ACER2: variants seen among roughly 807,000 people sequenced by gnomAD.
ACER2 encodes alkCDase 2.
Under a neutral mutation model 34.7 loss-of-function variants are expected in ACER2, and 26 were observed. The observed-to-expected ratio is 0.75, with a 90% CI of 0.55 to 1.04. The LOEUF (loss-of-function observed/expected upper bound fraction) is 1.04, where lower values mean the gene tolerates loss of function less well. Among genes scored for constraint, ACER2 ranks in the 50% least tolerant of loss-of-function variants. The probability of loss-of-function intolerance (pLI) is 0.00; values close to 1 mark genes in which losing one functional copy is unlikely to be tolerated. For synonymous variants in ACER2, 138 were observed against 132.1 expected, an observed-to-expected ratio of 1.04 and a Z score of -0.31; for missense variants, 352 against 340.8, an observed-to-expected ratio of 1.03 and a Z score of -0.26.
chr9:19,409,313 C>A, intron 1 of ACER2, 121 bp downstream of exon 1: 3 of 926,972 alleles, frequency 3.2e-6, no homozygotes, highest in Non-Finnish European at 5.0e-6. Context: ...TCTCCAGGGG[C>A]TGAGTCAGTC....
intron 3 of ACER2, among the ~76,000 whole-genome samples, chr9:19,427,557 G>T (rs181775404): frequency 1.3e-5 from 2 of 151,924 alleles, no homozygotes. Context: ...AGGGATTTCC[G>T]GTTTTTCTGC....
intron 2 of ACER2, 26 bp from the exon 3 acceptor site, chr9:19,424,674 T>C (rs1264197325): frequency 6.2e-7 from 1 of 1,611,984 alleles, no homozygotes; most frequent in East Asian, 2.2e-5. Context: ...TGGTGACCTT[T>C]TTTTATTGGT....
intron 1 of ACER2, among the ~76,000 whole-genome samples, chr9:19,418,351 A>G (rs1830297978): frequency 6.6e-6 from 1 of 152,250 alleles, no homozygotes; most frequent in Non-Finnish European, 1.5e-5. Context: ...TACTAGGTAT[A>G]TACCCAAAGG....
At chr9:19,422,735 A>G (rs900651943) in intron 1 of ACER2, among the ~76,000 whole-genome samples, 1 of 151,414 alleles carries the variant, frequency 6.6e-6, no homozygotes, top group Non-Finnish European at 1.5e-5. Context: ...CCTTATCTTT[A>G]AAAACACAAA....
At chr9:19,443,064 T>C (rs530497671) in intron 4 of ACER2, among the ~76,000 whole-genome samples, 82 of 152,286 alleles carry the variant, frequency 5.4e-4, no homozygotes, top group African/African-American at 1.7e-3. Context: ...GGAGTCTTGC[T>C]CAGTCGCCCA....
chr9:19,425,371 T>A (rs912999301), intron 3 of ACER2, among the ~76,000 whole-genome samples: 11 of 152,224 alleles, frequency 7.2e-5, no homozygotes, highest in African/African-American at 2.7e-4. Context: ...ACTGTATATA[T>A]GTTCAAACTG....
At position 19,415,951 on chromosome 9, in the gene ACER2, G is replaced by A. The variant is rs188968377; in HGVS notation, c.108+6759G>A. ...GTTGAAGGAGAAAAGGAAGCTGCACGATGGGAATGTTAACAATATGTGACA... is the reference window on the plus strand; with the variant it reads ...GTTGAAGGAGAAAAGGAAGCTGCACAATGGGAATGTTAACAATATGTGACA... On this transcript the variant is annotated intron_variant, in intron 1 of 5. Coordinates refer to ENST00000340967, the MANE Select transcript of ACER2 (RefSeq NM_001010887.3). 1.1e-4 allele frequency among the ~76,000 whole-genome samples: 16 copies of A among 152,152 alleles called. No homozygotes were observed. In the East Asian group the frequency reaches 2.7e-3, roughly 26 times the overall value.
intron 3 of ACER2, among the ~76,000 whole-genome samples, chr9:19,432,152 T>TATTGATTAGACAA (rs1410370239): frequency 7.9e-5 from 12 of 152,228 alleles, no homozygotes; most frequent in Middle Eastern, 3.2e-3. Flanking sequence ...GTGAAGATAG[T>TATTGATTAGACAA]ATCAATTATT....
intron 4 of ACER2, among the ~76,000 whole-genome samples, chr9:19,443,197 AT>A (rs901546909): frequency 6.6e-5 from 10 of 151,846 alleles, no homozygotes; most frequent in African/African-American, 2.4e-4. Flanking sequence ...TGCCCAGCTA[AT>A]TTTTTTTGTA....
intron 1 of ACER2, among the ~76,000 whole-genome samples, chr9:19,420,349 G>A (rs559928436): frequency 2.0e-5 from 3 of 152,058 alleles, no homozygotes; most frequent in African/African-American, 4.8e-5. Context: ...ACCCCATCCC[G>A]ATGGGTGTTA....
At chr9:19,444,194 CAA>C (rs35885674) in intron 4 of ACER2, among the ~76,000 whole-genome samples, 1 of 130,452 alleles carries the variant, frequency 7.7e-6, no homozygotes, top group Non-Finnish European at 1.6e-5. Context: ...AAGAAAGTCG[CAA>C]AAAAAAAAAA....
chr9:19,411,149 A>G (rs1323184087), intron 1 of ACER2, among the ~76,000 whole-genome samples: 1 of 152,194 alleles, frequency 6.6e-6, no homozygotes, highest in African/African-American at 2.4e-5. Flanking sequence ...CCGTTACTCT[A>G]TGTAGTGAGT....
chr9:19,434,061 C>T (rs1405971277), intron 3 of ACER2, among the ~76,000 whole-genome samples: 28 of 142,948 alleles, frequency 2.0e-4, no homozygotes, highest in Admixed American at 3.4e-4. Flanking sequence ...TCAGACGGGG[C>T]GGCCGGGCAG....
At chr9:19,441,507 C>T (rs529771343) in intron 4 of ACER2, among the ~76,000 whole-genome samples, 1 of 152,170 alleles carries the variant, frequency 6.6e-6, no homozygotes, top group Non-Finnish European at 1.5e-5. Flanking sequence ...TCTGGGGACC[C>T]TGCACCTGCC....
At chr9:19,437,051 G>T (rs1830999518) in intron 4 of ACER2, among the ~76,000 whole-genome samples, 1 of 152,170 alleles carries the variant, frequency 6.6e-6, no homozygotes, top group South Asian at 2.1e-4. Context: ...CATTCTCCAA[G>T]ATTGTGTATT....
intron 3 of ACER2, among the ~76,000 whole-genome samples, chr9:19,425,195 T>C (rs1830525039): frequency 6.6e-6 from 1 of 152,254 alleles, no homozygotes; most frequent in Non-Finnish European, 1.5e-5. Context: ...TCCTTGAGAC[T>C]AATCCAACTC....
chr9:19,444,503 G>A (rs1395544885), intron 4 of ACER2, among the ~76,000 whole-genome samples: 4 of 152,288 alleles, frequency 2.6e-5, no homozygotes, highest in East Asian at 1.9e-4. Context: ...GAGCCACCGC[G>A]CCCGGCATAA....
chr9:19,433,149 C>CTTTTTTTTTTTTTTT (rs57915019), intron 3 of ACER2, among the ~76,000 whole-genome samples: 1 of 61,308 alleles, frequency 1.6e-5, no homozygotes, highest in African/African-American at 6.0e-5. Context: ...GTGTGAGTGG[C>CTTTTTTTTTTTTTTT]TTTTTTTTTT....
chr9:19,423,316 G>T (rs992403377), intron 1 of ACER2, among the ~76,000 whole-genome samples: 2 of 152,188 alleles, frequency 1.3e-5, no homozygotes, highest in Non-Finnish European at 2.9e-5. Context: ...TGTTTTTATA[G>T]CTACTCCTAT....
Sources: allele counts gnomAD v4.1 joint callset (sites outside exome capture counted in the v4.1 genomes callset), GRCh38; gene constraint gnomAD v4.1.1; transcripts MANE v1.5; gene names NCBI Gene and HGNC (gene_info 2026-07-23, HGNC 2026-07-21).